The following SYTL3 variants were observed in gnomAD, a reference collection of about 807,000 sequenced individuals.
SYTL3 encodes synaptotagmin like 3.
Under a neutral mutation model 82.1 loss-of-function variants are expected in SYTL3, and 88 were observed. The ratio of observed to expected loss-of-function variants is 1.07; its 90% CI spans 0.90 to 1.28. SYTL3 has a LOEUF of 1.28. Ranked by LOEUF, SYTL3 falls within the 50% of genes most tolerant of loss-of-function variation. SYTL3 has a pLI of 0.00. For missense variants in SYTL3, 831 were observed against 757.6 expected, an observed-to-expected ratio of 1.10 and a Z score of -1.14; for synonymous variants, 311 against 289.4, an observed-to-expected ratio of 1.07 and a Z score of -0.76.
intron 5 of SYTL3, among the ~76,000 whole-genome samples, chr6:158,681,224 C>T (rs2128403294): frequency 6.6e-6 from 1 of 152,262 alleles, no homozygotes; most frequent in South Asian, 2.1e-4. Flanking sequence ...AGGATATTAA[C>T]AATTCTGCCT....
chr6:158,695,321 G>A (rs1780442019), intron 6 of SYTL3, among the ~76,000 whole-genome samples: 1 of 152,156 alleles, frequency 6.6e-6, no homozygotes, highest in African/African-American at 2.4e-5. Context: ...GGAAACCAAG[G>A]TGAAGTAATT....
chr6:158,721,679 C>T (rs1784126362), intron 10 of SYTL3, among the ~76,000 whole-genome samples: 1 of 152,162 alleles, frequency 6.6e-6, no homozygotes, highest in South Asian at 2.1e-4. Context: ...GTTGCCCAGG[C>T]TGGAGTACGA....
chr6:158,722,808 T>A (rs1314104670), intron 10 of SYTL3, among the ~76,000 whole-genome samples: 1 of 136,118 alleles, frequency 7.3e-6, no homozygotes, highest in Non-Finnish European at 1.5e-5. Context: ...TCTCGCTCTG[T>A]CACCCAGACA....
At chr6:158,673,138 G>A (rs895533977) in intron 5 of SYTL3, among the ~76,000 whole-genome samples, 2 of 152,146 alleles carry the variant, frequency 1.3e-5, no homozygotes, top group African/African-American at 4.8e-5. Flanking sequence ...ATGTTATCCA[G>A]GCTGGTCTTG....
intron 6 of SYTL3, 64 bp from the exon 7 acceptor site, chr6:158,707,166 C>T: frequency 6.8e-7 from 1 of 1,463,976 alleles, no homozygotes; most frequent in Non-Finnish European, 9.5e-7. Context: ...CTACTATTTC[C>T]TGTATTTACA....
chr6:158,671,640 C>T (rs1204346311), intron 5 of SYTL3, among the ~76,000 whole-genome samples: 1 of 151,638 alleles, frequency 6.6e-6, no homozygotes, highest in East Asian at 1.9e-4. Flanking sequence ...TGGCGCACCC[C>T]TGTAATCCCA....
At chr6:158,724,325 T>C (rs898509175) in intron 10 of SYTL3, among the ~76,000 whole-genome samples, 1 of 152,232 alleles carries the variant, frequency 6.6e-6, no homozygotes. Context: ...AAAGCATAAA[T>C]AATTTGGAGG....
In SYTL3 at chr6:158,657,517, A is replaced by C. The variant is rs567696726; in HGVS notation, c.-636-3752A>C. Among the ~76,000 whole-genome samples, 9 of 152,236 alleles carry C rather than the reference A, an allele frequency of 5.9e-5. No homozygotes were observed. The South Asian group carries it at 1.7e-3, about 28-fold the overall frequency. The stretch of plus-strand genomic sequence containing the variant: ...GAAAAACTTTATGAAAAAACAAAAC[A>C]AAAAACCTGAAAGATAATTTTAAAA... On this transcript the variant is annotated intron_variant, in intron 2 of 17. Transcript: ENST00000611299.
intron 2 of SYTL3, among the ~76,000 whole-genome samples, chr6:158,657,595 C>G (rs1205492994): frequency 6.6e-6 from 1 of 152,122 alleles, no homozygotes; most frequent in African/African-American, 2.4e-5. Context: ...GACTATGACT[C>G]TGTCTCAAAA....
intron 8 of SYTL3, among the ~76,000 whole-genome samples, chr6:158,708,942 A>G (rs1204550654): frequency 2.6e-5 from 4 of 152,170 alleles, no homozygotes; most frequent in Admixed American, 2.6e-4. Context: ...AATTGAAAAT[A>G]CTGTAAGTCA....
chr6:158,735,796 T>A (rs957596778), intron 11 of SYTL3, among the ~76,000 whole-genome samples: 1 of 152,200 alleles, frequency 6.6e-6, no homozygotes, highest in Non-Finnish European at 1.5e-5. Flanking sequence ...ATTTTAAAAA[T>A]AATAGAGCTC....
chr6:158,665,413 G>A lies in SYTL3; in HGVS notation c.129G>A (p.Leu43=). The A allele has an allele frequency of 1.3e-6, 2 of 1,598,102 alleles. No homozygotes were observed. The highest frequency in any genetic ancestry group is 8.5e-7 in the Non-Finnish European group (1 of 1,172,200). ...EERTRKLKTH[L]QHLRWKGAKN... is the part of the protein sequence containing the mutation. ...GCTGCAGGAAACTGAAAACACACCT[G>A]CAGCATCTCCGGTGGAAAGGAGCGA... The change falls in exon 5 of 18, where the codon CTG becomes CTA. Residue 43 remains leucine (L), a synonymous_variant. Coordinates refer to ENST00000611299, the MANE Select transcript of SYTL3 (RefSeq NM_001242394.2).
Position 158,764,776 on chromosome 6 carries a change from G to A in SYTL3, c.*172G>A, listed in dbSNP as rs535839920. The A allele has an allele frequency of 1.7e-4, 89 of 535,376 alleles. No individual in the cohort carries two copies. The highest frequency in any genetic ancestry group is 1.1e-3 in the African/African-American group (60 of 52,526). The allele number at this position is 535,376 out of a possible 1,614,324, so 33.2% of individuals were successfully genotyped here. ...CCTATTGGTATCTGTGTATATTTACGTTAAACACAATTATGTTACCTAAGC... is the reference window on the plus strand; with the variant it reads ...CCTATTGGTATCTGTGTATATTTACATTAAACACAATTATGTTACCTAAGC... On this transcript the variant is annotated 3_prime_UTR_variant, in exon 18 of 18. Transcript: ENST00000611299.
chr6:158,726,526 G>T, intron 11 of SYTL3: 2 of 193,656 alleles, frequency 1.0e-5, no homozygotes, highest in South Asian at 2.1e-4. Flanking sequence ...AGATCCAGCG[G>T]ACTGAATATA....
At chr6:158,656,724 C>CAA (rs762659950) in intron 2 of SYTL3, among the ~76,000 whole-genome samples, 1 of 136,404 alleles carries the variant, frequency 7.3e-6, no homozygotes, top group Non-Finnish European at 1.6e-5. Context: ...GACTCTGTCT[C>CAA]AAAAAAAAAA....
rs778902014 is a variant in SYTL3, at chr6:158,764,486, C to G, written c.1724-9C>G. On this transcript the variant is annotated splice_polypyrimidine_tract_variant and intron_variant, in intron 17 of 17. Transcript: ENST00000611299. ...CCGACCATGGCTAAATTGTCTTCCT[C>G]TCTTACAGAGGGAGACACAGCTGTT... 5 of 1,607,834 alleles carry G rather than the reference C, an allele frequency of 3.1e-6. No individual in the cohort carries two copies. In the South Asian group the frequency reaches 3.3e-5, roughly 11 times the overall value.
At chr6:158,653,964 C>G (rs981405839) in intron 2 of SYTL3, among the ~76,000 whole-genome samples, 1 of 152,226 alleles carries the variant, frequency 6.6e-6, no homozygotes, top group Non-Finnish European at 1.5e-5. Flanking sequence ...CTTTCCCATC[C>G]TCCTCATCTC....
intron 16 of SYTL3, 35 bp from the exon 17 acceptor site, chr6:158,763,269 T>A: frequency 1.2e-6 from 2 of 1,604,390 alleles, no homozygotes; most frequent in Non-Finnish European, 1.7e-6. Context: ...GCCGTGTGGA[T>A]GGCAATGATT....
At chr6:158,726,244 CA>C (rs1784706900) in intron 11 of SYTL3, 1 of 440,922 alleles carries the variant, frequency 2.3e-6, no homozygotes, top group Admixed American at 2.8e-5. Flanking sequence ...TGTCCAAAGA[CA>C]AAATTTCAGG....
Sources: allele counts gnomAD v4.1 joint callset (sites outside exome capture counted in the v4.1 genomes callset), GRCh38; gene constraint gnomAD v4.1.1; transcripts MANE v1.5; gene names NCBI Gene and HGNC (gene_info 2026-07-23, HGNC 2026-07-21).